COIL: variants seen among roughly 807,000 people sequenced by gnomAD.
COIL encodes the protein coilin p80.
A neutral mutation model predicts 51.6 loss-of-function variants in COIL; 28 were observed. That is an observed-to-expected ratio of 0.54 (90% confidence interval 0.40 to 0.74). The LOEUF (loss-of-function observed/expected upper bound fraction) is 0.74, where lower values mean the gene tolerates loss of function less well. Among genes scored for constraint, COIL ranks in the 30% least tolerant of loss-of-function variants. The probability of loss-of-function intolerance (pLI) is 0.00; values close to 1 mark genes in which losing one functional copy is unlikely to be tolerated. For missense variants in COIL, 667 were observed against 685.9 expected (o/e 0.97, Z 0.31); for synonymous variants, 233 against 255.8 (o/e 0.91, Z 0.85).
chr17:56,940,768 A>T (rs992835075), intron 6 of COIL, among the ~76,000 whole-genome samples: 8 of 152,332 alleles, frequency 5.3e-5, no homozygotes, highest in Admixed American at 1.3e-4. Flanking sequence ...CTTAAATCTA[A>T]CTTCCATTTA....
intron 4 of COIL, 28 bp from the exon 5 acceptor site, chr17:56,946,539 A>G (rs1403198055): frequency 2.0e-6 from 3 of 1,479,090 alleles, no homozygotes; most frequent in Admixed American, 3.4e-5. Flanking sequence ...CCAAGTCAAA[A>G]TCAACATGTA....
chr17:56,951,803 CTTTTTTTTTTTTT>C (rs1333783838), intron 1 of COIL: 1 of 143,840 alleles, frequency 7.0e-6, no homozygotes, highest in Non-Finnish European at 1.5e-5. Context: ...TTTTTCTTTT[CTTTTTTTTTTTTT>C]GAGACGGAGT....
At chr17:56,946,815 A>T (rs1406739546) in intron 4 of COIL, among the ~76,000 whole-genome samples, 2 of 152,240 alleles carry the variant, frequency 1.3e-5, no homozygotes, top group Non-Finnish European at 2.9e-5. Flanking sequence ...GGGAACCAAA[A>T]GTGACTGAAT....
intron 5 of COIL, among the ~76,000 whole-genome samples, chr17:56,945,794 C>A (rs112685890): frequency 7.9e-5 from 12 of 152,338 alleles, no homozygotes; most frequent in African/African-American, 2.9e-4. Context: ...CGGCTCACTG[C>A]AACCTCCACC....
chr17:56,940,566 A>C (rs1910126247), intron 6 of COIL, among the ~76,000 whole-genome samples: 1 of 152,182 alleles, frequency 6.6e-6, no homozygotes, highest in African/African-American at 2.4e-5. Flanking sequence ...TGCTGATCCT[A>C]CCACAAACAC....
Position 56,942,078 on chromosome 17 carries a change from T to C in COIL, c.1604A>G (p.Asn535Ser), listed in dbSNP as rs1157436014. 6.2e-7 allele frequency: 1 copy of C among 1,614,116 alleles called. No individual in the cohort carries two copies. Among genetic ancestry groups the C allele is most frequent in the Non-Finnish European group, 8.5e-7 (1 of 1,179,962 alleles). Residue 535 changes from asparagine to serine, a missense_variant, in exon 6 of 7, where the codon AAT (asparagine) becomes AGT (serine). Physicochemically the swap from Asn to Ser is conservative, Grantham distance 46 (BLOSUM62 1). Transcript: ENST00000240316. ...GKFDLVYHNE[N>S]GAEVVEYAVT... is the part of the protein sequence containing the mutation. Reference sequence around the variant, plus strand: ...AGCGTACTCCACTACCTCGGCTCCATTTTCATTGTGATAAACTAAATCAAA... The same window carrying C: ...AGCGTACTCCACTACCTCGGCTCCACTTTCATTGTGATAAACTAAATCAAA...
intron 5 of COIL, 60 bp downstream of exon 5, chr17:56,946,382 C>G: frequency 8.7e-7 from 1 of 1,148,782 alleles, no homozygotes; most frequent in Admixed American, 1.9e-5. Flanking sequence ...TGTATAAAAG[C>G]TATTTATAAA....
intron 1 of COIL, among the ~76,000 whole-genome samples, chr17:56,956,779 G>C (rs1186670565): frequency 6.6e-6 from 1 of 152,134 alleles, no homozygotes; most frequent in East Asian, 1.9e-4. Flanking sequence ...TTTTTCTGTA[G>C]ACATGGGGTT....
intron 1 of COIL, 49 bp downstream of exon 1, chr17:56,960,726 G>A (rs1286649249): frequency 3.0e-6 from 4 of 1,320,328 alleles, no homozygotes; most frequent in South Asian, 1.5e-5. Context: ...GCGCAGGCGC[G>A]TCCCCCGCCC....
In COIL at chr17:56,953,227, C is replaced by T. The variant is rs566479735; in HGVS notation, c.246-2231G>A. Among the ~76,000 whole-genome samples the T allele has an allele frequency of 5.7e-4, 86 of 151,856 alleles. No homozygotes were observed. The East Asian group carries it at 0.011, about 19-fold the overall frequency. ...GAGATCGAGACCATCCTGGCTAACA[C>T]AGTGAAACCCCGTCTCTACTAAAAA... On this transcript the variant is annotated intron_variant, in intron 1 of 6. Coordinates refer to ENST00000240316, the MANE Select transcript of COIL (RefSeq NM_004645.3).
At chr17:56,940,863 G>A (rs182044519) in intron 6 of COIL, among the ~76,000 whole-genome samples, 88 of 152,208 alleles carry the variant, frequency 5.8e-4, no homozygotes, top group Admixed American at 2.6e-3. Context: ...GGCCGGGCGC[G>A]GTGGCTCACA....
chr17:56,952,979 A>C (rs964175430), intron 1 of COIL, among the ~76,000 whole-genome samples: 1 of 152,102 alleles, frequency 6.6e-6, no homozygotes, highest in Admixed American at 6.6e-5. Context: ...AATTGTGAGT[A>C]CTCAAAAATG....
intron 6 of COIL, 47 bp downstream of exon 6, chr17:56,941,988 A>G (rs1567850554): frequency 2.7e-6 from 4 of 1,461,896 alleles, no homozygotes; most frequent in Admixed American, 1.7e-5. Flanking sequence ...GTAATTGGTC[A>G]AGAGAGAACG....
rs1304984377 is a variant in COIL, at chr17:56,939,222, C to T, written c.1648-68G>A. The T allele has an allele frequency of 1.3e-5, 11 of 856,518 alleles. No individual in the cohort carries two copies. The Admixed American group carries it at 1.4e-4, about 11-fold the overall frequency. 53.1% of individuals were successfully genotyped at this position (856,518 alleles called of 1,614,324 possible). ...GAGGTCATACCGGTTAATTCAGCCA[C>T]GTAAATTTTCCGTCTGTGTAGAATG... On this transcript the variant is annotated intron_variant, in intron 6 of 6. Transcript: ENST00000240316.
At chr17:56,958,998 T>C (rs967757689) in intron 1 of COIL, among the ~76,000 whole-genome samples, 6 of 151,638 alleles carry the variant, frequency 4.0e-5, no homozygotes, top group African/African-American at 9.7e-5. Context: ...CAAGAGAAAA[T>C]AGCCTGGTTC....
At chr17:56,944,615 C>T (rs1910210285) in intron 5 of COIL, among the ~76,000 whole-genome samples, 1 of 151,786 alleles carries the variant, frequency 6.6e-6, no homozygotes. Context: ...GGTAGGAACC[C>T]AGTGTAAGTT....
At chr17:56,957,358 T>G (rs1402386919) in intron 1 of COIL, among the ~76,000 whole-genome samples, 3 of 151,868 alleles carry the variant, frequency 2.0e-5, no homozygotes, top group Non-Finnish European at 4.4e-5. Flanking sequence ...AGTTGCTCAC[T>G]CCTGTAATCC....
intron 6 of COIL, among the ~76,000 whole-genome samples, chr17:56,939,638 G>A (rs1166955481): frequency 1.3e-5 from 2 of 152,088 alleles, no homozygotes; most frequent in Non-Finnish European, 2.9e-5. Context: ...TACTCGGAAG[G>A]CTGAGTCAGG....
rs2332861 is a variant in COIL at position 56,938,973 on chromosome 17, T to C, written c.*98A>G. 1 of 627,918 alleles carries C rather than the reference T, an allele frequency of 1.6e-6. No homozygotes were observed. The allele number at this position is 627,918 out of a possible 1,614,324, so 38.9% of individuals were successfully genotyped here. A position where few individuals can be genotyped will look rare whatever the true frequency, so the allele number is the denominator to read the frequency against. ...AAAGTGAAGATAACAAAAAAATCCA[T>C]ACAACTTCCAAATCCTCTTTAAAAA... On this transcript the variant is annotated 3_prime_UTR_variant, in exon 7 of 7. Coordinates refer to ENST00000240316, the MANE Select transcript of COIL (RefSeq NM_004645.3).
Sources: gnomAD v4.1 joint callset for allele counts (sites outside exome capture counted in the v4.1 genomes callset) on GRCh38, gnomAD v4.1.1 for gene constraint, MANE v1.5 for transcripts, NCBI Gene and HGNC (gene_info 2026-07-23, HGNC 2026-07-21) for gene names.